Variants in UBASH3B observed in about 807,000 individuals in gnomAD.
UBASH3B encodes ubiquitin associated and SH3 domain containing B.
A neutral mutation model predicts 83.4 loss-of-function variants in UBASH3B; 37 were observed. The observed-to-expected ratio is 0.44, with a 90% CI of 0.34 to 0.58. UBASH3B has a LOEUF of 0.58. Among genes scored for constraint, UBASH3B ranks in the 20% least tolerant of loss-of-function variants. The pLI is 0.01. For missense variants in UBASH3B, 657 were observed against 827.2 expected (o/e 0.79, Z 2.52); for synonymous variants, 304 against 318.3 (o/e 0.96, Z 0.48).
intron 1 of UBASH3B, among the ~76,000 whole-genome samples, chr11:122,729,205 G>A (rs909874081): frequency 6.6e-6 from 1 of 152,148 alleles, no homozygotes; most frequent in African/African-American, 2.4e-5. Context: ...AACGCCACAG[G>A]GGCCAGCTCC....
intron 1 of UBASH3B, among the ~76,000 whole-genome samples, chr11:122,705,784 A>C (rs1377505933): frequency 7.2e-5 from 11 of 152,308 alleles, no homozygotes; most frequent in Non-Finnish European, 1.5e-5. Flanking sequence ...AGTAGAAAGA[A>C]AATGGCTGCC....
At position 122,794,769 on chromosome 11, in the gene UBASH3B, C is replaced by A; in HGVS notation, c.1048C>A (p.Arg350=). 1.9e-6 allele frequency: 3 copies of A among 1,614,084 alleles called. No individual in the cohort carries two copies. The highest frequency in any genetic ancestry group is 2.5e-6 in the Non-Finnish European group (3 of 1,179,992). ...GTTTGGGGATGGAGTATTGGAGAGG[C>A]GGCCTTATGAGGACCAGGGGCTCGG... The part of the protein sequence containing the change: ...LTFGDGVLER[R]PYEDQGLGET... Residue 350 remains arginine, a synonymous_variant, in exon 7 of 14, where the codon CGG becomes AGG. Coordinates refer to ENST00000284273, the MANE Select transcript of UBASH3B (RefSeq NM_032873.5).
chr11:122,807,805 C>T (rs57213254), intron 12 of UBASH3B, among the ~76,000 whole-genome samples: 6,731 of 152,184 alleles, frequency 0.044, 417 homozygotes, highest in East Asian at 0.29. Flanking sequence ...CCTCCCTCCT[C>T]GTTCTCTCAA....
intron 1 of UBASH3B, among the ~76,000 whole-genome samples, chr11:122,688,625 C>A (rs12269930): frequency 0.44 from 60,036 of 137,048 alleles, 13,955 homozygotes; most frequent in East Asian, 0.7. Context: ...TTTTTTCTTT[C>A]TTTTATTTTA....
At chr11:122,687,997 T>G (rs1863829632) in intron 1 of UBASH3B, among the ~76,000 whole-genome samples, 1 of 152,212 alleles carries the variant, frequency 6.6e-6, no homozygotes, top group Admixed American at 6.5e-5. Flanking sequence ...CTGCCTGACT[T>G]CTTTAGAACA....
rs956267762 is a variant in UBASH3B, at chr11:122,759,680, C to T, written c.162-16539C>T. On this transcript the variant is annotated intron_variant, in intron 1 of 13. Coordinates refer to ENST00000284273, the MANE Select transcript of UBASH3B (RefSeq NM_032873.5). This position sits in a 1 kb window ranked among gnomAD's most constrained non-coding sequence, Gnocchi z 4.1. ...GAGCCTGCAACCTAGATCCCTTGCA[C>T]GTGCAGTTCACAGTAGGGTTTGTGC... is the stretch of plus-strand genomic sequence containing the variant. Among the ~76,000 whole-genome samples, 9 of 152,156 alleles carry T rather than the reference C, an allele frequency of 5.9e-5. No individual in the cohort carries two copies. Among genetic ancestry groups the T allele is most frequent in the African/African-American group, 1.2e-4 (5 of 41,434 alleles).
chr11:122,719,167 G>A (rs544907485), intron 1 of UBASH3B, among the ~76,000 whole-genome samples: 6 of 152,328 alleles, frequency 3.9e-5, no homozygotes, highest in South Asian at 2.1e-4. Context: ...TAACTAACAC[G>A]CTGAGGTTAA....
chr11:122,800,832 C>G (rs1164909402), intron 10 of UBASH3B, among the ~76,000 whole-genome samples: 3 of 151,996 alleles, frequency 2.0e-5, no homozygotes, highest in Non-Finnish European at 4.4e-5. Context: ...GTTCTCAACT[C>G]TTGGACTCAA....
rs1860716023 is a variant in UBASH3B, at chr11:122,725,336, A to AC, written c.162-50883_162-50882insC. Reference sequence around the variant, plus strand: ...GAGCATAGCACCATAAACAAAAAAAAAAAAAAAAGAAAAGAAAAGAAACAA... The same window carrying AC: ...GAGCATAGCACCATAAACAAAAAAAACAAAAAAAAGAAAAGAAAAGAAACAA... On this transcript the variant is annotated intron_variant, in intron 1 of 13. Coordinates refer to ENST00000284273, the MANE Select transcript of UBASH3B (RefSeq NM_032873.5). 2.1e-5 allele frequency among the ~76,000 whole-genome samples: 3 copies of AC among 140,616 alleles called. No individual in the cohort carries two copies. The Admixed American group carries it at 2.2e-4, about 10-fold the overall frequency. 92.2% of individuals were successfully genotyped at this position (140,616 alleles called of 152,430 possible).
Position 122,656,079 on chromosome 11 carries a change from C to A in UBASH3B, c.30C>A (p.Leu10=). 2 of 1,600,680 alleles carry A rather than the reference C, an allele frequency of 1.2e-6. No homozygotes were observed. Among genetic ancestry groups the A allele is most frequent in the East Asian group, 2.3e-5 (1 of 43,812 alleles). The change falls in exon 1 of 14, where the codon CTC becomes CTA. Residue 10 remains leucine (L), a synonymous_variant. Coordinates refer to ENST00000284273, the MANE Select transcript of UBASH3B (RefSeq NM_032873.5). ...CTCAGTACGGCCACCCCAGTCCGCTCGGCATGGCTGCGAGAGAGGAGCTGT... is the reference window on the plus strand; with the variant it reads ...CTCAGTACGGCCACCCCAGTCCGCTAGGCATGGCTGCGAGAGAGGAGCTGT... The part of the protein sequence containing the change: MAQYGHPSP[L]GMAAREELYS...
chr11:122,700,908 G>T (rs1864033356), intron 1 of UBASH3B, among the ~76,000 whole-genome samples: 1 of 152,200 alleles, frequency 6.6e-6, no homozygotes, highest in Non-Finnish European at 1.5e-5. Context: ...CCCAGACAGG[G>T]ATGTGCTATG....
At position 122,796,261 on chromosome 11, in the gene UBASH3B, T is replaced by G; in HGVS notation, c.1219T>G (p.Cys407Gly). ...VVFGKYWLSQ[C>G]FDAKGRYIRT... is the part of the protein sequence containing the mutation. ...GTTTGGGAAGTACTGGCTGTCCCAG[T>G]GCTTCGATGCCAAAGGTGAGTTGGT... The change falls in exon 8 of 14, where the codon TGC becomes GGC. Residue 407 changes from cysteine to glycine, a missense_variant. Physicochemically the swap from Cys to Gly is radical, Grantham distance 159. Coordinates refer to ENST00000284273, the MANE Select transcript of UBASH3B (RefSeq NM_032873.5). 6.2e-7 allele frequency: 1 copy of G among 1,614,140 alleles called. No homozygotes were observed. Among genetic ancestry groups the G allele is most frequent in the Non-Finnish European group, 8.5e-7 (1 of 1,179,968 alleles).
chr11:122,780,471 G>C lies in UBASH3B; in HGVS notation c.601+776G>C, dbSNP rs189068045. On this transcript the variant is annotated intron_variant, in intron 4 of 13. Transcript: ENST00000284273. Reference sequence around the variant, plus strand: ...CAGGGAAACAGACAGACAATCTGGTGGGGGGAGAGCCTCTTGGCTCGCTCC... The same window carrying C: ...CAGGGAAACAGACAGACAATCTGGTCGGGGGAGAGCCTCTTGGCTCGCTCC... 2.0e-3 allele frequency among the ~76,000 whole-genome samples: 299 copies of C among 152,324 alleles called. 1 individual carries two copies. The highest frequency in any genetic ancestry group is 5.5e-3 in the African/African-American group (228 of 41,560).
chr11:122,663,666 G>A (rs1363167718), intron 1 of UBASH3B, among the ~76,000 whole-genome samples: 1 of 152,206 alleles, frequency 6.6e-6, no homozygotes, highest in Non-Finnish European at 1.5e-5. Flanking sequence ...GCATAAGCCT[G>A]TGTAAGGGTA....
intron 1 of UBASH3B, among the ~76,000 whole-genome samples, chr11:122,749,614 G>A (rs1478650067): frequency 6.6e-6 from 1 of 152,212 alleles, no homozygotes; most frequent in Non-Finnish European, 1.5e-5. Flanking sequence ...GTGAACAAGG[G>A]AACATAATTC....
intron 2 of UBASH3B, 101 bp downstream of exon 2, chr11:122,776,373 G>T: frequency 1.9e-6 from 2 of 1,080,268 alleles, no homozygotes; most frequent in Non-Finnish European, 2.6e-6. Context: ...GACCCTTCCA[G>T]AAGAGACAGG....
intron 1 of UBASH3B, among the ~76,000 whole-genome samples, chr11:122,661,877 A>C (rs1442892273): frequency 2.2e-4 from 34 of 151,152 alleles, no homozygotes; most frequent in East Asian, 3.9e-4. Flanking sequence ...AAAAAAACAA[A>C]AAAAAAAATA....
intron 6 of UBASH3B, among the ~76,000 whole-genome samples, chr11:122,791,677 C>T (rs1004835412): frequency 6.6e-6 from 1 of 152,150 alleles, no homozygotes; most frequent in Non-Finnish European, 1.5e-5. Context: ...CCAAGAGAGA[C>T]ATCAGGAGGT....
chr11:122,806,508 A>G lies in UBASH3B; in HGVS notation c.1694A>G (p.Lys565Arg). The G allele has an allele frequency of 6.2e-7, 1 of 1,603,966 alleles. No individual in the cohort carries two copies. The highest frequency in any genetic ancestry group is 8.5e-7 in the Non-Finnish European group (1 of 1,176,262). The part of the protein sequence containing the change: ...QVTKEIISEC[K>R]SKGNNILIVA... ...ACAAAAGAAATAATAAGTGAATGTA[A>G]AAGTAAAGGTAAGTGGTATTATTCT... Residue 565 changes from lysine (K) to arginine (R), a missense_variant, in exon 12 of 14, where the codon AAA (lysine) becomes AGA (arginine). Transcript: ENST00000284273. This position sits in a 1 kb window ranked among gnomAD's most constrained non-coding sequence, Gnocchi z 4.0.
Sources: gnomAD v4.1 joint callset for allele counts (sites outside exome capture counted in the v4.1 genomes callset) on GRCh38, gnomAD v4.1.1 for gene constraint, Gnocchi (gnomAD v3.1) non-coding constraint, MANE v1.5 for transcripts, NCBI Gene and HGNC (gene_info 2026-07-23, HGNC 2026-07-21) for gene names.